NRG1: variants seen among roughly 807,000 people sequenced by gnomAD.
The protein encoded by NRG1 is neuregulin 1.
NRG1 carries 18 observed loss-of-function variants against 63.8 expected under a neutral mutation model. The observed-to-expected ratio is 0.28, with a 90% confidence interval of 0.19 to 0.42. The LOEUF is 0.42. Among genes scored for constraint, NRG1 ranks in the 10% least tolerant of loss-of-function variants. The probability of loss-of-function intolerance (pLI) is 1.00; values close to 1 mark genes in which losing one functional copy is unlikely to be tolerated. For synonymous variants in NRG1, 302 were observed against 301.3 expected (o/e 1.00, Z -0.02); for missense variants, 762 against 814.7 (o/e 0.94, Z 0.79).
At chr8:32,120,091 G>C (rs537285101) in intron 1 of NRG1, among the ~76,000 whole-genome samples, 1 of 151,922 alleles carries the variant, frequency 6.6e-6, no homozygotes, top group African/African-American at 2.4e-5. Context: ...AAGTAAATTA[G>C]TTTATCTTAA....
At chr8:31,825,550 GA>G (rs750780872) in intron 1 of NRG1, among the ~76,000 whole-genome samples, 1 of 152,128 alleles carries the variant, frequency 6.6e-6, no homozygotes, top group Non-Finnish European at 1.5e-5. Context: ...CTGAGGTCAG[GA>G]CTATTGTTTT....
chr8:31,744,985 G>A (rs1219500956), intron 1 of NRG1, among the ~76,000 whole-genome samples: 1 of 151,758 alleles, frequency 6.6e-6, no homozygotes, highest in African/African-American at 2.4e-5. Flanking sequence ...ATAATGTTGA[G>A]GTTTCACAGT....
At chr8:31,711,995 G>C (rs373141134) in intron 1 of NRG1, among the ~76,000 whole-genome samples, 36 of 152,058 alleles carry the variant, frequency 2.4e-4, no homozygotes, top group East Asian at 1.2e-3. Context: ...GAATTTTAGA[G>C]GGACATAAAT....
At chr8:32,681,044 C>T (rs573961450) in intron 5 of NRG1, among the ~76,000 whole-genome samples, 3 of 152,278 alleles carry the variant, frequency 2.0e-5, no homozygotes, top group African/African-American at 7.2e-5. Flanking sequence ...AGCCAGTTCT[C>T]TTTCCATTAC....
At chr8:32,199,412 G>A (rs897756930) in intron 1 of NRG1, among the ~76,000 whole-genome samples, 1 of 152,140 alleles carries the variant, frequency 6.6e-6, no homozygotes, top group Non-Finnish European at 1.5e-5. Context: ...ATCATCCTGA[G>A]ACTTCATCTT....
chr8:32,086,284 C>T (rs1828209251), intron 1 of NRG1, among the ~76,000 whole-genome samples: 1 of 152,206 alleles, frequency 6.6e-6, no homozygotes, highest in African/African-American at 2.4e-5. Context: ...TATTTTTGGT[C>T]CACACAAATC....
chr8:31,999,902 T>C (rs1812647127), intron 1 of NRG1, among the ~76,000 whole-genome samples: 1 of 151,724 alleles, frequency 6.6e-6, no homozygotes, highest in Admixed American at 6.6e-5. Flanking sequence ...CTAAATGGGA[T>C]TGTGGAGGAG....
chr8:32,165,433 T>A (rs1381194876), intron 1 of NRG1, among the ~76,000 whole-genome samples: 1 of 152,216 alleles, frequency 6.6e-6, no homozygotes, highest in Non-Finnish European at 1.5e-5. Context: ...TATGAGCCAC[T>A]GCACCTGTCC....
exon 12 of NRG1, chr8:32,766,950 T>C (rs1203057944): frequency 6.6e-6 from 1 of 152,180 alleles, no homozygotes; most frequent in Non-Finnish European, 1.5e-5. Flanking sequence ...TGTGAACTTA[T>C]GTTCCCAGCA....
intron 1 of NRG1, among the ~76,000 whole-genome samples, chr8:32,130,970 A>G (rs1041770464): frequency 6.6e-6 from 1 of 151,948 alleles, no homozygotes; most frequent in Non-Finnish European, 1.5e-5. Context: ...AACACCAACT[A>G]TCTTGGGCAC....
intron 1 of NRG1, among the ~76,000 whole-genome samples, chr8:32,040,289 C>T (rs552350185): frequency 3.5e-4 from 54 of 152,262 alleles, no homozygotes; most frequent in African/African-American, 1.1e-3. Flanking sequence ...ATGTGTATTT[C>T]AATTTAAATT....
At chr8:32,360,454 C>T (rs1454060829) in intron 1 of NRG1, among the ~76,000 whole-genome samples, 1 of 152,104 alleles carries the variant, frequency 6.6e-6, no homozygotes, top group African/African-American at 2.4e-5. Flanking sequence ...TTTAAAAATT[C>T]AGCCAAAAAA....
In NRG1 at chr8:32,747,732, G is replaced by GTGTATATATATATATA. The variant is rs1264111970; in HGVS notation, c.691+5000_691+5001insGTATATATATATATAT. The stretch of plus-strand genomic sequence containing the variant: ...TGTTTGTGTGCATATATGTGTGTGT[G>GTGTATATATATATATA]TATATATATATATATATATATATAT... On this transcript the variant is annotated intron_variant, in intron 7 of 11. Coordinates refer to ENST00000356819, the Ensembl canonical transcript of NRG1. Among the ~76,000 whole-genome samples the GTGTATATATATATATA allele has an allele frequency of 2.0e-4, 26 of 132,094 alleles. 1 individual carries two copies. In the East Asian group the frequency reaches 3.0e-3, roughly 15 times the overall value. The allele number at this position is 132,094 out of a possible 152,430, so 86.7% of individuals were successfully genotyped here.
intron 1 of NRG1, among the ~76,000 whole-genome samples, chr8:32,481,184 A>T (rs1310343814): frequency 6.6e-6 from 1 of 152,014 alleles, no homozygotes; most frequent in Non-Finnish European, 1.5e-5. Context: ...TCTCTAAAAA[A>T]ATACAAAAAT....
At chr8:32,068,329 G>A (rs1825209665) in intron 1 of NRG1, among the ~76,000 whole-genome samples, 1 of 152,212 alleles carries the variant, frequency 6.6e-6, no homozygotes, top group South Asian at 2.1e-4. Flanking sequence ...TGCAAAAGCA[G>A]TGGTCATAAG....
At chr8:31,873,419 C>T (rs1295959377) in intron 1 of NRG1, among the ~76,000 whole-genome samples, 1 of 152,036 alleles carries the variant, frequency 6.6e-6, no homozygotes, top group African/African-American at 2.4e-5. Flanking sequence ...ATTAGCCGGG[C>T]GTGGTGGCGT....
chr8:32,525,920 T>C (rs1830793032), intron 1 of NRG1, among the ~76,000 whole-genome samples: 1 of 152,234 alleles, frequency 6.6e-6, no homozygotes, highest in Non-Finnish European at 1.5e-5. Flanking sequence ...TAATGTCTTT[T>C]CTACTCTATC....
intron 1 of NRG1, among the ~76,000 whole-genome samples, chr8:31,823,563 G>A (rs1189799130): frequency 1.3e-5 from 2 of 152,106 alleles, no homozygotes; most frequent in Non-Finnish European, 2.9e-5. Context: ...TCAATACTTG[G>A]AAATGTTTTG....
At chr8:32,038,245 G>A (rs192909174) in intron 1 of NRG1, among the ~76,000 whole-genome samples, 7 of 152,242 alleles carry the variant, frequency 4.6e-5, no homozygotes, top group African/African-American at 9.6e-5. Context: ...ACCTTTTGCC[G>A]CACGCAGGCT....
Sources: allele counts gnomAD v4.1 joint callset (sites outside exome capture counted in the v4.1 genomes callset), GRCh38; gene constraint gnomAD v4.1.1; transcripts MANE v1.5; gene names NCBI Gene and HGNC (gene_info 2026-07-23, HGNC 2026-07-21).